DDX11: variants seen among roughly 807,000 people sequenced by gnomAD.
The protein encoded by DDX11 is ATP-dependent DNA helicase DDX11.
Under a neutral mutation model 125.2 loss-of-function variants are expected in DDX11, and 72 were observed. That is an observed-to-expected ratio of 0.58 (90% CI 0.48 to 0.70). DDX11 has a LOEUF of 0.70. DDX11 is among the 30% of genes least tolerant of loss of function. The pLI is 0.00. For missense variants in DDX11, 883 were observed against 1,165.0 expected, an observed-to-expected ratio of 0.76 and a Z score of 3.52; for synonymous variants, 347 against 452.6, an observed-to-expected ratio of 0.77 and a Z score of 2.96.
intron 9 of DDX11, 62 bp downstream of exon 9, chr12:31,090,156 G>A (rs1419291546): frequency 1.3e-6 from 2 of 1,500,838 alleles, no homozygotes; most frequent in Admixed American, 3.9e-5. Context: ...GGCCATGAGG[G>A]GGGTCCTCAT....
chr12:31,084,959 C>G lies in DDX11; in HGVS notation c.481-10C>G. The G allele has an allele frequency of 6.2e-7, 1 of 1,600,606 alleles. No individual in the cohort carries two copies. Among genetic ancestry groups the G allele is most frequent in the Admixed American group, 1.7e-5 (1 of 58,658 alleles). On this transcript the variant is annotated splice_polypyrimidine_tract_variant and intron_variant, in intron 4 of 26. Transcript: ENST00000542838. ...CTTCCTCCCTCACCACCTCCACTACCCCTGTCCAGAGGCAGGAAGAAGAAG... is the reference window on the plus strand; with the variant it reads ...CTTCCTCCCTCACCACCTCCACTACGCCTGTCCAGAGGCAGGAAGAAGAAG...
chr12:31,083,329 AAC>A (rs370263003), intron 2 of DDX11, among the ~76,000 whole-genome samples: 10,820 of 148,144 alleles, frequency 0.073, 554 homozygotes, highest in Non-Finnish European at 0.11. Flanking sequence ...AAAAAAACAA[AAC>A]AAAACACAAA....
At chr12:31,083,702 C>T (rs1219892924) in intron 2 of DDX11, 111 bp from the exon 3 acceptor site, 18 of 1,355,172 alleles carry the variant, frequency 1.3e-5, no homozygotes, top group Non-Finnish European at 1.8e-5. Context: ...CTTAGAGCAT[C>T]CTCTCCTATG....
At chr12:31,092,269 C>A (rs1430630162) in intron 10 of DDX11, among the ~76,000 whole-genome samples, 2 of 152,076 alleles carry the variant, frequency 1.3e-5, no homozygotes, top group African/African-American at 2.4e-5. Context: ...GCTGCCCTAT[C>A]ATGCGCCATG....
At chr12:31,088,571 G>A (rs938534230) in intron 6 of DDX11, among the ~76,000 whole-genome samples, 9 of 142,540 alleles carry the variant, frequency 6.3e-5, no homozygotes, top group Non-Finnish European at 1.4e-4. Flanking sequence ...TCGGAAGTAG[G>A]TATTTTCTTT....
Position 31,104,188 on chromosome 12 carries a change from C to T in DDX11, c.*352C>T. The stretch of plus-strand genomic sequence containing the variant: ...TGGCATCCACTGTGGCATCTCCGTC[C>T]TGCCCACCTTCTTAAGAGGCGAGAT... On this transcript the variant is annotated 3_prime_UTR_variant, in exon 27 of 27. Transcript: ENST00000542838. 1 of 1,279,158 alleles carries T rather than the reference C, an allele frequency of 7.8e-7. No homozygotes were observed. The highest frequency in any genetic ancestry group is 1.0e-6 in the Non-Finnish European group (1 of 953,438). 79.2% of individuals were successfully genotyped at this position (1,279,158 alleles called of 1,614,324 possible). A position where few individuals can be genotyped will look rare whatever the true frequency, so the allele number is the denominator to read the frequency against.
chr12:31,091,821 C>G lies in DDX11; in HGVS notation c.1192C>G (p.Leu398Val). 6.2e-7 allele frequency: 1 copy of G among 1,613,898 alleles called. No homozygotes were observed. The change falls in exon 10 of 27, where the codon CTG becomes GTG. Residue 398 changes from leucine to valine, a missense_variant. Physicochemically the swap from Leu to Val is conservative, Grantham distance 32 (BLOSUM62 1). Transcript: ENST00000542838. ...GGTGATCATCGACGAGGCGCACAACCTGATCGACACCATCACGGGCATGCA... is the reference window on the plus strand; with the variant it reads ...GGTGATCATCGACGAGGCGCACAACGTGATCGACACCATCACGGGCATGCA... ...QVVIIDEAHN[L>V]IDTITGMHSV...
rs1808348 is a variant in DDX11 at position 31,091,912 on chromosome 12, C to G, written c.1242+41C>G. On this transcript the variant is annotated intron_variant, in intron 10 of 26. Transcript: ENST00000542838. ...CTCCCCGGGCCAGGGCCTGCTGTGA[C>G]GTAAAGGGACTTGGATGGTTCCTCC... 0.49 allele frequency: 785,291 copies of G among 1,612,608 alleles called. 198,157 individuals are homozygous for G. Among genetic ancestry groups the G allele is most frequent in the East Asian group, 0.84 (37,867 of 44,856 alleles).
chr12:31,083,421 C>G (rs1467284607), intron 2 of DDX11, among the ~76,000 whole-genome samples: 1 of 152,174 alleles, frequency 6.6e-6, no homozygotes, highest in African/African-American at 2.4e-5. Flanking sequence ...ACTCTGGCTC[C>G]CTGTTGGCGA....
intron 24 of DDX11, 84 bp from the exon 25 acceptor site, chr12:31,103,233 T>G (rs914077828): frequency 6.4e-7 from 1 of 1,559,956 alleles, no homozygotes; most frequent in Non-Finnish European, 8.7e-7. Context: ...CCTCCTGGTC[T>G]GGCTCCAAAG....
chr12:31,103,340 C>G lies in DDX11; in HGVS notation c.2481C>G (p.Pro827=), dbSNP rs771114272. The G allele has an allele frequency of 6.4e-5, 103 of 1,611,198 alleles. No homozygotes were observed. The highest frequency in any genetic ancestry group is 5.5e-4 in the South Asian group (50 of 90,722). ...QTLPRAPGQA[P]PGKALVENLC... ...AGCCCAGAGCCCCCGGCCAGGCACC[C>G]CCAGGGAAGGCTCTGGTGGAGAACC... The change falls in exon 25 of 27, where the codon CCC becomes CCG. Residue 827 remains proline (P), a synonymous_variant. Transcript: ENST00000542838.
intron 7 of DDX11, 118 bp from the exon 8 acceptor site, chr12:31,089,285 C>A (rs146376682): frequency 1.5e-6 from 2 of 1,375,704 alleles, no homozygotes; most frequent in South Asian, 1.2e-5. Flanking sequence ...CCCTCCCTGA[C>A]CTGGCCGGCC....
In DDX11 at chr12:31,104,078, C is replaced by T. The variant is rs1946873787; in HGVS notation, c.*242C>T. 1 of 1,526,728 alleles carries T rather than the reference C, an allele frequency of 6.5e-7. No individual in the cohort carries two copies. The highest frequency in any genetic ancestry group is 1.3e-5 in the South Asian group (1 of 79,724). The allele number at this position is 1,526,728 out of a possible 1,614,324, so 94.6% of individuals were successfully genotyped here. On this transcript the variant is annotated 3_prime_UTR_variant, in exon 27 of 27. Coordinates refer to ENST00000542838, the MANE Select transcript of DDX11 (RefSeq NM_030653.4). ...CTTGGGGCGTTCCAGGGCAGCTCCC[C>T]TCCTGGAATAGAATCTTTCTTTCCA...
At chr12:31,087,889 C>T in intron 5 of DDX11, 49 bp from the exon 6 acceptor site, 2 of 1,587,944 alleles carry the variant, frequency 1.3e-6, no homozygotes, top group Middle Eastern at 1.8e-4. Flanking sequence ...GTGCGTTTTG[C>T]TGAGTTTGCT....
Position 31,084,033 on chromosome 12 carries a change from A to G in DDX11, c.365A>G (p.Glu122Gly). 2 of 1,613,920 alleles carry G rather than the reference A, an allele frequency of 1.2e-6. No individual in the cohort carries two copies. Among genetic ancestry groups the G allele is most frequent in the Non-Finnish European group, 1.7e-6 (2 of 1,179,868 alleles). Residue 122 changes from glutamate (E) to glycine (G), a missense_variant, in exon 3 of 27, where the codon GAA becomes GGA. By Grantham distance (98) the Glu-to-Gly change is moderately conservative (BLOSUM62 -2). Coordinates refer to ENST00000542838, the MANE Select transcript of DDX11 (RefSeq NM_030653.4). ...AWVTQFVQKK[E>G]ERDLVDRLKA... ...GTTACTCAGTTTGTGCAGAAGAAAG[A>G]AGAGAGGGACCTGGTGGACCGACTA...
At position 31,084,624 on chromosome 12, in the gene DDX11, G is replaced by A; in HGVS notation, c.435G>A (p.Gln145=). ...ARRKQREERL[Q]QLQHRVQLKY... ...GGAAGCAGCGAGAAGAACGCCTGCA[G>A]CAGCTGCAGCACAGGGTGCAGCTCA... Residue 145 remains glutamine (Q), a synonymous_variant, in exon 4 of 27, where the codon CAG becomes CAA. Transcript: ENST00000542838. 6.3e-7 allele frequency: 1 copy of A among 1,596,120 alleles called. No homozygotes were observed.
intron 2 of DDX11, 54 bp downstream of exon 2, chr12:31,078,591 T>C (rs1166672367): frequency 1.2e-6 from 2 of 1,611,540 alleles, no homozygotes; most frequent in East Asian, 2.2e-5. Flanking sequence ...GCAGCCGTAC[T>C]AGCTTTTCCT....
chr12:31,088,751 T>C (rs1943621242), intron 6 of DDX11, among the ~76,000 whole-genome samples: 1 of 152,098 alleles, frequency 6.6e-6, no homozygotes, highest in East Asian at 1.9e-4. Flanking sequence ...TGGTCACCCA[T>C]GTCCAAAGAT....
In DDX11 at chr12:31,084,667, C is replaced by T. The variant is rs1942706796; in HGVS notation, c.478C>T (p.Leu160=). 6.3e-7 allele frequency: 1 copy of T among 1,583,054 alleles called. No homozygotes were observed. The highest frequency in any genetic ancestry group is 8.6e-7 in the Non-Finnish European group (1 of 1,161,126). Residue 160 remains leucine (L), a splice_region_variant and synonymous_variant, in exon 4 of 27, where the codon CTG becomes TTG. Coordinates refer to ENST00000542838, the MANE Select transcript of DDX11 (RefSeq NM_030653.4). ...RVQLKYAAKR[L]RQEEEERENL... Reference sequence around the variant, plus strand: ...GCAGCTCAAGTATGCAGCCAAGCGCCTGGTGAGCCTCATTTCTTGGGGGGC... The same window carrying T: ...GCAGCTCAAGTATGCAGCCAAGCGCTTGGTGAGCCTCATTTCTTGGGGGGC...
Sources: allele counts gnomAD v4.1 joint callset (sites outside exome capture counted in the v4.1 genomes callset), GRCh38; gene constraint gnomAD v4.1.1; transcripts MANE v1.5; gene names NCBI Gene and HGNC (gene_info 2026-07-23, HGNC 2026-07-21).